TLR3: variants seen among roughly 807,000 people sequenced by gnomAD.
TLR3 encodes the protein toll-like receptor 3.
A neutral mutation model predicts 66.4 loss-of-function variants in TLR3; 43 were observed. That is an observed-to-expected ratio of 0.65 (90% CI 0.51 to 0.83). TLR3 has a LOEUF of 0.83. Ranked by LOEUF, TLR3 falls within the 40% of genes least tolerant of loss-of-function variation. The probability of loss-of-function intolerance (pLI) is 0.00; values close to 1 mark genes in which losing one functional copy is unlikely to be tolerated. For synonymous variants in TLR3, 397 were observed against 397.2 expected, an observed-to-expected ratio of 1.00 and a Z score of 0.01; for missense variants, 982 against 1,044.6, an observed-to-expected ratio of 0.94 and a Z score of 0.83.
chr4:186,078,879 T>C lies in TLR3; in HGVS notation c.481T>C (p.Ser161Pro). The change falls in exon 3 of 5, where the codon TCT becomes CCT. Residue 161 changes from serine to proline, a missense_variant. By Grantham distance (74) the Ser-to-Pro change is moderately conservative. Coordinates refer to ENST00000296795, the MANE Select transcript of TLR3 (RefSeq NM_003265.3). ...AGATCTGTCTCATAATGGCTTGTCA[T>C]CTACAAAATTAGGAACTCAGGTTCA... ...TLDLSHNGLSSTKLGTQVQLE... is the reference protein window; with the variant it reads ...TLDLSHNGLSPTKLGTQVQLE... The C allele has an allele frequency of 6.2e-7, 1 of 1,614,100 alleles. No individual in the cohort carries two copies. The highest frequency in any genetic ancestry group is 8.5e-7 in the Non-Finnish European group (1 of 1,179,996).
At chr4:186,077,120 T>C in intron 2 of TLR3, 60 bp downstream of exon 2, 1 of 1,503,808 alleles carries the variant, frequency 6.6e-7, no homozygotes, top group Non-Finnish European at 9.1e-7. Flanking sequence ...TCCTTAGACT[T>C]ACTATCTAAA....
chr4:186,069,977 C>T (rs1308008382), intron 1 of TLR3, among the ~76,000 whole-genome samples: 1 of 152,200 alleles, frequency 6.6e-6, no homozygotes, highest in East Asian at 1.9e-4. Flanking sequence ...GTTTACAAAT[C>T]AAACTATGGA....
chr4:186,074,906 C>T (rs1463733120), intron 1 of TLR3, among the ~76,000 whole-genome samples: 5 of 152,140 alleles, frequency 3.3e-5, no homozygotes, highest in African/African-American at 4.8e-5. Context: ...CCTTCCACCA[C>T]GTCGTGTCCC....
intron 1 of TLR3, among the ~76,000 whole-genome samples, chr4:186,072,776 G>A (rs946741192): frequency 1.1e-4 from 16 of 152,140 alleles, no homozygotes; most frequent in African/African-American, 1.9e-4. Context: ...TTCAACGTGT[G>A]GTGTGGGTGG....
At chr4:186,074,638 A>C (rs758619284) in intron 1 of TLR3, among the ~76,000 whole-genome samples, 5 of 152,254 alleles carry the variant, frequency 3.3e-5, no homozygotes, top group Non-Finnish European at 5.9e-5. Context: ...AGTAATAATT[A>C]ACTTATTATA....
rs2099303835 is a variant in TLR3 at position 186,083,279 on chromosome 4, A to T, written c.1593A>T (p.Lys531Asn). The change falls in exon 4 of 5, where the codon AAA becomes AAT. Residue 531 changes from lysine to asparagine, a missense_variant. Lys to Asn is a moderately conservative substitution (Grantham distance 94). Coordinates refer to ENST00000296795, the MANE Select transcript of TLR3 (RefSeq NM_003265.3). This position sits in a 1 kb window ranked among gnomAD's most constrained non-coding sequence, Gnocchi z 4.0. ...ATGACATGTTGGAGGGTCTTGAGAA[A>T]CTAGAAATTCTCGATTTGCAGCATA... ...INDDMLEGLE[K>N]LEILDLQHNN... 1 of 1,614,068 alleles carries T rather than the reference A, an allele frequency of 6.2e-7. No homozygotes were observed. Among genetic ancestry groups the T allele is most frequent in the Non-Finnish European group, 8.5e-7 (1 of 1,180,026 alleles).
chr4:186,080,292 T>C (rs1326614730), intron 3 of TLR3, among the ~76,000 whole-genome samples: 6 of 152,104 alleles, frequency 3.9e-5, no homozygotes, highest in Admixed American at 6.5e-5. Flanking sequence ...CATTTTTCTA[T>C]GATTAAGACA....
In TLR3 at chr4:186,084,910, T is replaced by C; in HGVS notation, c.*37T>C. The C allele has an allele frequency of 1.9e-6, 3 of 1,548,604 alleles. No individual in the cohort carries two copies. The highest frequency in any genetic ancestry group is 2.7e-6 in the Non-Finnish European group (3 of 1,127,860). ...TATTCAATTAGCAAAGGAGAAACTTTCTCAATTTAAAAAGTTCTATGGCAA... is the reference window on the plus strand; with the variant it reads ...TATTCAATTAGCAAAGGAGAAACTTCCTCAATTTAAAAAGTTCTATGGCAA... On this transcript the variant is annotated 3_prime_UTR_variant, in exon 5 of 5. Transcript: ENST00000296795.
At chr4:186,078,817 T>C (rs2099302902) in intron 2 of TLR3, 23 bp from the exon 3 acceptor site, 1 of 1,601,518 alleles carries the variant, frequency 6.2e-7, no homozygotes, top group Middle Eastern at 1.7e-4. Flanking sequence ...CTCTAACATA[T>C]GCATATTATT....
intron 2 of TLR3, among the ~76,000 whole-genome samples, chr4:186,077,581 G>A (rs11132380): frequency 0.97 from 148,330 of 152,246 alleles, 72,390 homozygotes; most frequent in Non-Finnish European, 1. Context: ...TCAAAACTTT[G>A]CTCGAATTTT....
Position 186,083,519 on chromosome 4 carries a change from T to G in TLR3, c.1833T>G (p.Ser611=), listed in dbSNP as rs114810441. The G allele has an allele frequency of 6.2e-7, 1 of 1,610,692 alleles. No homozygotes were observed. Among genetic ancestry groups the G allele is most frequent in the African/African-American group, 1.3e-5 (1 of 74,866 alleles). ...CATCTGTCTTTAATAATCAGGTGTC[T>G]CTAAAGTCATTGAACCTTCAGAAGA... ...LPASVFNNQV[S]LKSLNLQKNL... The change falls in exon 4 of 5, where the codon TCT becomes TCG. Residue 611 remains serine (S), a synonymous_variant. Transcript: ENST00000296795. The surrounding 1 kb of genome is among the most constrained non-coding windows in gnomAD (Gnocchi z 4.0).
At chr4:186,074,262 G>A (rs897069389) in intron 1 of TLR3, among the ~76,000 whole-genome samples, 22 of 152,206 alleles carry the variant, frequency 1.4e-4, no homozygotes, top group African/African-American at 4.6e-4. Flanking sequence ...CATCCTTGTG[G>A]GAACGTCACA....
At chr4:186,069,636 CG>C (rs1315926886) in intron 1 of TLR3, among the ~76,000 whole-genome samples, 1 of 152,154 alleles carries the variant, frequency 6.6e-6, no homozygotes, top group Non-Finnish European at 1.5e-5. Context: ...GTTAAAAGAG[CG>C]TATCCCCTTT....
rs1334168181 is a variant in TLR3, at chr4:186,087,186, A to G, written c.*2313A>G. The G allele has an allele frequency of 6.6e-6, 1 of 152,140 alleles. No individual in the cohort carries two copies. Among genetic ancestry groups the G allele is most frequent in the African/African-American group, 2.4e-5 (1 of 41,416 alleles). The allele number at this position is 152,140 out of a possible 1,614,324, so 9.4% of individuals were successfully genotyped here. A position where few individuals can be genotyped will look rare whatever the true frequency, so the allele number is the denominator to read the frequency against. ...AAGCCTTTAGTTTCCCTGCCTGCAG[A>G]CCCCATTCTCCTGCCTCAGATATAT... On this transcript the variant is annotated 3_prime_UTR_variant, in exon 5 of 5. Transcript: ENST00000296795.
At chr4:186,076,573 A>G (rs745458409) in intron 1 of TLR3, 40 bp from the exon 2 acceptor site, 3 of 1,591,434 alleles carry the variant, frequency 1.9e-6, no homozygotes, top group Admixed American at 1.7e-5. Context: ...GCCATCTGCT[A>G]TTAATGTTGC....
In TLR3 at chr4:186,076,998, G is replaced by T; in HGVS notation, c.379G>T (p.Glu127Ter). 6.2e-7 allele frequency: 1 copy of T among 1,614,054 alleles called. No homozygotes were observed. The highest frequency in any genetic ancestry group is 8.5e-7 in the Non-Finnish European group (1 of 1,180,032). The change falls in exon 2 of 5, where the codon GAA becomes TAA. Residue 127 changes from glutamate to a stop codon, truncating the protein, a stop_gained. Coordinates refer to ENST00000296795, the MANE Select transcript of TLR3 (RefSeq NM_003265.3). LOFTEE classifies it high-confidence loss of function. The stretch of plus-strand genomic sequence containing the variant: ...CTTTGCCTTCTGCACGAATTTGACT[G>T]AACTCCATCTCATGTCCAACTCAAT... ...KTFAFCTNLT[E>*]LHLMSNSIQK... is the part of the protein sequence containing the mutation.
chr4:186,084,954 G>A lies in TLR3; in HGVS notation c.*81G>A, dbSNP rs2099304128. The A allele has an allele frequency of 8.9e-7, 1 of 1,127,650 alleles. No individual in the cohort carries two copies. The allele number at this position is 1,127,650 out of a possible 1,614,324, so 69.9% of individuals were successfully genotyped here. The stretch of plus-strand genomic sequence containing the variant: ...ATGGCAAATTTAAGTTTTCCATAAA[G>A]GTGTTATAATTTGTTTATTCATATT... On this transcript the variant is annotated 3_prime_UTR_variant, in exon 5 of 5. Transcript: ENST00000296795.
chr4:186,070,411 G>A (rs1435049002), intron 1 of TLR3, among the ~76,000 whole-genome samples: 1 of 151,974 alleles, frequency 6.6e-6, no homozygotes, highest in Non-Finnish European at 1.5e-5. Context: ...TAGAGACAAG[G>A]TCTCGCTGTG....
At chr4:186,070,966 G>A (rs1052793097) in intron 1 of TLR3, among the ~76,000 whole-genome samples, 13 of 152,152 alleles carry the variant, frequency 8.5e-5, no homozygotes, top group Non-Finnish European at 7.3e-5. Context: ...CTAAAGTGCC[G>A]GGATTGTGGG....
Sources: gnomAD v4.1 joint callset for allele counts (sites outside exome capture counted in the v4.1 genomes callset) on GRCh38, gnomAD v4.1.1 for gene constraint, Gnocchi (gnomAD v3.1) non-coding constraint, MANE v1.5 for transcripts, NCBI Gene and HGNC (gene_info 2026-07-23, HGNC 2026-07-21) for gene names.